THAP3: variants seen among roughly 807,000 people sequenced by gnomAD.
THAP3 encodes the protein THAP domain containing 3.
A neutral mutation model predicts 17.7 loss-of-function variants in THAP3; 12 were observed. That is an observed-to-expected ratio of 0.68 (90% CI 0.43 to 1.10). THAP3 has a LOEUF of 1.10. Ranked by LOEUF, THAP3 falls within the 50% of genes least tolerant of loss-of-function variation. The pLI, the probability that THAP3 is intolerant of heterozygous loss-of-function variation, is 0.00. For missense variants in THAP3, 289 were observed against 318.0 expected (o/e 0.91, Z 0.69); for synonymous variants, 133 against 126.9 (o/e 1.05, Z -0.32).
chr1:6,625,585 C>A (rs12739419), intron 2 of THAP3, among the ~76,000 whole-genome samples: 5 of 147,550 alleles, frequency 3.4e-5, no homozygotes, highest in Non-Finnish European at 7.5e-5. Flanking sequence ...TTTGCTGTGT[C>A]CCTGGTCGCT....
At chr1:6,625,422 C>A in intron 2 of THAP3, 130 bp downstream of exon 2, 1 of 772,716 alleles carries the variant, frequency 1.3e-6, no homozygotes, top group South Asian at 3.4e-5. Flanking sequence ...GGCCGAGGTC[C>A]TGGGCCCAGA....
In THAP3 at chr1:6,632,835, C is replaced by T. The variant is rs1036468102; in HGVS notation, c.478C>T (p.Arg160Trp). The change falls in exon 6 of 6, where the codon CGG becomes TGG. Residue 160 changes from arginine (R) to tryptophan (W), a missense_variant. Coordinates refer to ENST00000054650, the MANE Select transcript of THAP3 (RefSeq NM_001195753.2). ...RRPQATEAVG[R>W]PTGPAGLRRT... ...GCCGCAAGCAACAGAGGCTGTTGGC[C>T]GGCCGACTGGCCCTGCAGGCCTGAG... 1.5e-5 allele frequency: 24 copies of T among 1,612,828 alleles called. No individual in the cohort carries two copies. Among genetic ancestry groups the T allele is most frequent in the Non-Finnish European group, 1.7e-5 (20 of 1,179,900 alleles).
At chr1:6,630,256 G>T in intron 3 of THAP3, 32 bp from the exon 4 acceptor site, 1 of 1,609,332 alleles carries the variant, frequency 6.2e-7, no homozygotes, top group Non-Finnish European at 8.5e-7. Context: ...GGTTCTTGGG[G>T]TCTGCATCCA....
Position 6,632,380 on chromosome 1 carries a change from G to GAGGA in THAP3, c.334-11_334-10insAGGA. 1 of 1,613,252 alleles carries GAGGA rather than the reference G, an allele frequency of 6.2e-7. No homozygotes were observed. The highest frequency in any genetic ancestry group is 8.5e-7 in the Non-Finnish European group (1 of 1,179,866). ...AGGGCTGTAGTGCAGACTTCACCCT[G>GAGGA]CCGTTCCCAGGTCCTCCCTGAGGCG... On this transcript the variant is annotated splice_polypyrimidine_tract_variant and intron_variant, in intron 4 of 5. Transcript: ENST00000054650.
chr1:6,625,426 G>C (rs1641439873), intron 2 of THAP3, 134 bp downstream of exon 2: 3 of 638,816 alleles, frequency 4.7e-6, no homozygotes, highest in Non-Finnish European at 4.2e-6. Flanking sequence ...GAGGTCCTGG[G>C]CCCAGAGGGG....
chr1:6,635,551 T>C (rs1407858059), downstream of THAP3: 2 of 1,071,126 alleles, frequency 1.9e-6, no homozygotes, highest in Non-Finnish European at 2.7e-6. Context: ...TTGATAATGG[T>C]ACCACCTTCT....
rs756075794 is a variant in THAP3, at chr1:6,632,862, A to G, written c.505A>G (p.Arg169Gly). 6.2e-7 allele frequency: 1 copy of G among 1,612,970 alleles called. No individual in the cohort carries two copies. Among genetic ancestry groups the G allele is most frequent in the East Asian group, 2.2e-5 (1 of 44,894 alleles). Residue 169 changes from arginine to glycine, a missense_variant, in exon 6 of 6, where the codon AGG becomes GGG. Coordinates refer to ENST00000054650, the MANE Select transcript of THAP3 (RefSeq NM_001195753.2). ...GCCGACTGGCCCTGCAGGCCTGAGA[A>G]GGACCCCCAACAAGCAGCCATCTGA... Reference protein sequence around the residue: ...GRPTGPAGLRRTPNKQPSDHS... With the variant: ...GRPTGPAGLRGTPNKQPSDHS...
At chr1:6,633,873 G>A, downstream of THAP3, 1 of 705,184 alleles carries the variant, frequency 1.4e-6, no homozygotes, top group Non-Finnish European at 2.3e-6. Flanking sequence ...TCACACCACT[G>A]CCCTCTAGTA....
intron 5 of THAP3, 99 bp downstream of exon 5, chr1:6,632,594 C>T (rs562175961): frequency 1.4e-5 from 21 of 1,546,540 alleles, no homozygotes; most frequent in African/African-American, 1.1e-4. Context: ...CCTGTGTGGC[C>T]GAGGCAGGGT....
intron 2 of THAP3, chr1:6,628,051 A>T (rs779577583): frequency 7.4e-5 from 12 of 162,576 alleles, no homozygotes; most frequent in Non-Finnish European, 1.4e-4. Context: ...TCACCCCTTC[A>T]GCTGCCTCTC....
chr1:6,625,136 G>C lies in THAP3; in HGVS notation c.-69-14G>C. ...CCCGTCACCACCTCCCAGCGGCCCC[G>C]CCCCTCCCCGCAGGTCCCTCCCCTC... On this transcript the variant is annotated splice_polypyrimidine_tract_variant and intron_variant, in intron 1 of 5. Coordinates refer to ENST00000054650, the MANE Select transcript of THAP3 (RefSeq NM_001195753.2). 1,071 of 993,100 alleles carry C rather than the reference G, an allele frequency of 1.1e-3. No individual in the cohort carries two copies. Among genetic ancestry groups the C allele is most frequent in the Non-Finnish European group, 1.4e-3 (977 of 679,698 alleles). 61.5% of individuals were successfully genotyped at this position (993,100 alleles called of 1,614,324 possible). A position where few individuals can be genotyped will look rare whatever the true frequency, so the allele number is the denominator to read the frequency against.
At chr1:6,630,261 C>T (rs983625710) in intron 3 of THAP3, 27 bp from the exon 4 acceptor site, 5 of 1,611,046 alleles carry the variant, frequency 3.1e-6, no homozygotes, top group African/African-American at 2.7e-5. Flanking sequence ...TTGGGGTCTG[C>T]ATCCACTCTG....
At chr1:6,628,470 G>A (rs765396155) in intron 2 of THAP3, 29 bp from the exon 3 acceptor site, 24 of 1,578,858 alleles carry the variant, frequency 1.5e-5, no homozygotes, top group Non-Finnish European at 2.0e-5. Context: ...AGCCTTGCTG[G>A]GCCTCACACC....
At position 6,633,011 on chromosome 1, in the gene THAP3, C is replaced by T. The variant is rs775553673; in HGVS notation, c.654C>T (p.Ser218=). 3 of 1,612,232 alleles carry T rather than the reference C, an allele frequency of 1.9e-6. No homozygotes were observed. The highest frequency in any genetic ancestry group is 2.2e-5 in the East Asian group (1 of 44,888). ...AQRLVMRRMS[S]RLRACKGHQG... ...GGCTGGTGATGCGAAGGATGTCCAGCCGCCTCCGTGCTTGCAAAGGGCACC... is the reference window on the plus strand; with the variant it reads ...GGCTGGTGATGCGAAGGATGTCCAGTCGCCTCCGTGCTTGCAAAGGGCACC... The change falls in exon 6 of 6, where the codon AGC becomes AGT. Residue 218 remains serine, a synonymous_variant. Coordinates refer to ENST00000054650, the MANE Select transcript of THAP3 (RefSeq NM_001195753.2).
At chr1:6,631,900 A>AC (rs1641624999) in intron 4 of THAP3, among the ~76,000 whole-genome samples, 1 of 151,182 alleles carries the variant, frequency 6.6e-6, no homozygotes, top group Admixed American at 6.6e-5. Flanking sequence ...AAAAAAAAAA[A>AC]TTAGCCAGGT....
downstream of THAP3, chr1:6,634,860 G>A: frequency 8.2e-7 from 1 of 1,223,932 alleles, no homozygotes; most frequent in Non-Finnish European, 1.1e-6. Context: ...CAAGCGCCTG[G>A]TCCTGTCCTC....
In THAP3 at chr1:6,625,173, C is replaced by G; in HGVS notation, c.-46C>G. On this transcript the variant is annotated 5_prime_UTR_variant, in exon 2 of 6. Transcript: ENST00000054650. ...AGGTCCCTCCCCTCTCCGCAGGCCCCGCCGCCGCCGCCATCTTTGTTGGGG... is the reference window on the plus strand; with the variant it reads ...AGGTCCCTCCCCTCTCCGCAGGCCCGGCCGCCGCCGCCATCTTTGTTGGGG... 4 of 1,493,706 alleles carry G rather than the reference C, an allele frequency of 2.7e-6. No individual in the cohort carries two copies. The highest frequency in any genetic ancestry group is 1.2e-5 in the South Asian group (1 of 81,610). The allele number at this position is 1,493,706 out of a possible 1,614,324, so 92.5% of individuals were successfully genotyped here.
chr1:6,627,303 C>T (rs1391612012), intron 2 of THAP3, among the ~76,000 whole-genome samples: 1 of 152,110 alleles, frequency 6.6e-6, no homozygotes, highest in African/African-American at 2.4e-5. Context: ...TGCGTGTGGC[C>T]GCCTGTCACC....
At chr1:6,625,391 C>A in intron 2 of THAP3, 99 bp downstream of exon 2, 1 of 1,133,394 alleles carries the variant, frequency 8.8e-7, no homozygotes, top group Non-Finnish European at 1.2e-6. Flanking sequence ...CAAAGGCGTG[C>A]GGCCGCTGGG....
Sources: allele counts gnomAD v4.1 joint callset (sites outside exome capture counted in the v4.1 genomes callset), GRCh38; gene constraint gnomAD v4.1.1; transcripts MANE v1.5; gene names NCBI Gene and HGNC (gene_info 2026-07-23, HGNC 2026-07-21).